Variants in METTL6 observed in about 807,000 individuals in gnomAD.
METTL6 encodes tRNA N(3)-cytidine methyltransferase METTL6.
A neutral mutation model predicts 26.4 loss-of-function variants in METTL6; 22 were observed. The observed-to-expected ratio is 0.83, with a 90% CI of 0.59 to 1.19. METTL6 has a LOEUF of 1.19. Ranked by LOEUF, METTL6 falls within the 50% of genes most tolerant of loss-of-function variation. The probability of loss-of-function intolerance (pLI) is 0.00; values close to 1 mark genes in which losing one functional copy is unlikely to be tolerated. For synonymous variants in METTL6, 109 were observed against 116.2 expected (o/e 0.94, Z 0.40); for missense variants, 304 against 324.8 (o/e 0.94, Z 0.49).
intron 1 of METTL6, among the ~76,000 whole-genome samples, chr3:15,426,902 C>A (rs1270866210): frequency 6.6e-6 from 1 of 152,226 alleles, no homozygotes; most frequent in African/African-American, 2.4e-5. Context: ...AAAAAGGACG[C>A]TCTCAAGAAC....
downstream of METTL6, among the ~76,000 whole-genome samples, chr3:15,406,022 T>C (rs963714623): frequency 1.4e-4 from 21 of 151,796 alleles, no homozygotes; most frequent in Admixed American, 1.2e-3. Flanking sequence ...TATATATATA[T>C]ACACACGCAC....
downstream of METTL6, among the ~76,000 whole-genome samples, chr3:15,409,067 T>C (rs952119468): frequency 6.6e-6 from 1 of 152,186 alleles, no homozygotes; most frequent in Non-Finnish European, 1.5e-5. Context: ...CCACCATCTC[T>C]ACAAGTTCCA....
At chr3:15,416,768 T>C (rs546627015) in intron 3 of METTL6, among the ~76,000 whole-genome samples, 3 of 152,120 alleles carry the variant, frequency 2.0e-5, no homozygotes, top group Non-Finnish European at 4.4e-5. Context: ...TGTATAGGAG[T>C]ATTATGAAGA....
At chr3:15,385,951 C>T (rs115480847) in intron 6 of METTL6, among the ~76,000 whole-genome samples, 26 of 152,098 alleles carry the variant, frequency 1.7e-4, no homozygotes, top group African/African-American at 5.1e-4. Context: ...GGACCTTGCA[C>T]GAGAAAAGAA....
intron 3 of METTL6, among the ~76,000 whole-genome samples, chr3:15,423,590 G>A (rs1163956356): frequency 1.3e-5 from 2 of 152,040 alleles, no homozygotes; most frequent in African/African-American, 4.8e-5. Context: ...AAACTAGCCA[G>A]GGTCAGCTGC....
At chr3:15,382,961 G>A (rs1699111155) in exon 7 of METTL6, 1 of 152,158 alleles carries the variant, frequency 6.6e-6, no homozygotes, top group African/African-American at 2.4e-5. Flanking sequence ...TAGAATGGTG[G>A]TTACCAGAGG....
intron 6 of METTL6, among the ~76,000 whole-genome samples, chr3:15,397,744 G>T (rs1699531539): frequency 6.6e-6 from 1 of 152,154 alleles, no homozygotes; most frequent in Non-Finnish European, 1.5e-5. Flanking sequence ...CACTGGGCTA[G>T]GGGGCAGAGA....
rs2061726007 is a variant in METTL6 at position 15,426,428 on chromosome 3, C to G, written c.84G>C (p.Leu28Phe). 1 of 1,614,160 alleles carries G rather than the reference C, an allele frequency of 6.2e-7. No individual in the cohort carries two copies. The highest frequency in any genetic ancestry group is 8.5e-7 in the Non-Finnish European group (1 of 1,180,024). The change falls in exon 2 of 6, where the codon TTG (leucine) becomes TTC (phenylalanine). Residue 28 changes from leucine to phenylalanine, a missense_variant. Leu to Phe is a conservative substitution (Grantham distance 22). Transcript: ENST00000383790. ...EEEKLKRDQT[L>F]VSDFKQQKLE... ...ATTTCTGCTGTTTAAAATCAGACAC[C>G]AAAGTTTGGTCTCTTTTCAGTTTCT...
rs576139825 is a variant in METTL6 at position 15,423,809 on chromosome 3, G to T, written c.360+1146C>A. Among the ~76,000 whole-genome samples the T allele has an allele frequency of 2.6e-5, 4 of 152,298 alleles. No homozygotes were observed. In the East Asian group the frequency reaches 5.8e-4, roughly 22 times the overall value. The stretch of plus-strand genomic sequence containing the variant: ...GAGGTGGGAGGATCTGCTTGAGCCA[G>T]GGGGGTCAAGGCTGCAGTGAGTTGT... On this transcript the variant is annotated intron_variant, in intron 3 of 5. Coordinates refer to ENST00000383790, the MANE Select transcript of METTL6 (RefSeq NM_152396.4).
chr3:15,400,172 G>A (rs1373244254), intron 6 of METTL6, among the ~76,000 whole-genome samples: 1 of 151,976 alleles, frequency 6.6e-6, no homozygotes, highest in Non-Finnish European at 1.5e-5. Flanking sequence ...AACCTTTGTG[G>A]GCTGTGCATT....
chr3:15,406,637 G>C (rs1326061458), downstream of METTL6, among the ~76,000 whole-genome samples: 1 of 128,778 alleles, frequency 7.8e-6, no homozygotes, highest in Admixed American at 7.8e-5. Flanking sequence ...TATAGAGAGA[G>C]AGAGAGAGAG....
chr3:15,411,319 G>T lies in METTL6; in HGVS notation c.792C>A (p.Ser264Arg). The T allele has an allele frequency of 4.3e-6, 7 of 1,614,194 alleles. No homozygotes were observed. The highest frequency in any genetic ancestry group is 5.9e-6 in the Non-Finnish European group (7 of 1,180,026). Residue 264 changes from serine (S) to arginine (R), a missense_variant, in exon 6 of 6, where the codon AGC (serine) becomes AGA (arginine). Ser to Arg is a moderately radical substitution (Grantham distance 110, BLOSUM62 -1). Transcript: ENST00000383790. ...GGTTCTTAGGAGGCTTTAGAAATTTGCTCTGAAGGAAAACTCTTGGCACAC... is the reference window on the plus strand; with the variant it reads ...GGTTCTTAGGAGGCTTTAGAAATTTTCTCTGAAGGAAAACTCTTGGCACAC... Reference protein sequence around the residue: ...GLCVPRVFLQSKFLKPPKNPS... With the variant: ...GLCVPRVFLQRKFLKPPKNPS...
downstream of METTL6, among the ~76,000 whole-genome samples, chr3:15,407,896 G>A (rs914297397): frequency 1.3e-5 from 2 of 152,188 alleles, no homozygotes; most frequent in African/African-American, 4.8e-5. Context: ...ATTAGGGGTA[G>A]CTGCCTCAGG....
chr3:15,411,821 A>G (rs1699980079), intron 5 of METTL6, among the ~76,000 whole-genome samples: 1 of 151,768 alleles, frequency 6.6e-6, no homozygotes, highest in Non-Finnish European at 1.5e-5. Flanking sequence ...CTAGATCAGG[A>G]GCACGATCTC....
rs1436783260 is a variant in METTL6 at position 15,424,954 on chromosome 3, C to T, written c.360+1G>A. ...GCAGAATACATAGATGGTGCACCAA[C>T]CTTAACATATTCAATGGCTCTTGGA... On this transcript the variant is annotated splice_donor_variant, in intron 3 of 5. Transcript: ENST00000383790. LOFTEE classifies it high-confidence loss of function. 5.6e-6 allele frequency: 9 copies of T among 1,614,060 alleles called. No homozygotes were observed. The highest frequency in any genetic ancestry group is 6.8e-6 in the Non-Finnish European group (8 of 1,179,998).
Position 15,416,793 on chromosome 3 carries a change from C to T in METTL6, c.361-851G>A, listed in dbSNP as rs1399264952. 2.0e-5 allele frequency among the ~76,000 whole-genome samples: 3 copies of T among 152,254 alleles called. No homozygotes were observed. In the South Asian group the frequency reaches 6.2e-4, roughly 32 times the overall value. ...TATTATGAAGAAAAACATTAAACTT[C>T]TATTTCATGTAAATGAGGACCTGAA... On this transcript the variant is annotated intron_variant, in intron 3 of 5. Coordinates refer to ENST00000383790, the MANE Select transcript of METTL6 (RefSeq NM_152396.4).
At chr3:15,415,547 C>G (rs1238047280) in intron 4 of METTL6, 3 of 1,599,268 alleles carry the variant, frequency 1.9e-6, no homozygotes, top group Non-Finnish European at 1.7e-6. Flanking sequence ...TCATCCTTGT[C>G]CCAGGGCTGG....
chr3:15,407,195 T>A (rs1337498824), downstream of METTL6, among the ~76,000 whole-genome samples: 1 of 152,060 alleles, frequency 6.6e-6, no homozygotes, highest in Admixed American at 6.6e-5. Flanking sequence ...AATTTTTGTA[T>A]TTTTAGCAGA....
chr3:15,410,193 C>A lies in METTL6; in HGVS notation c.*1063G>T, dbSNP rs1699912085. 6.6e-6 allele frequency among the ~76,000 whole-genome samples: 1 copy of A among 152,076 alleles called. No individual in the cohort carries two copies. The highest frequency in any genetic ancestry group is 2.4e-5 in the African/African-American group (1 of 41,400). ...ATACAAAAAGTACATAGTAGCCCCC[C>A]GTATCTGCGGGTGGTATGTTTCAAG... On this transcript the variant is annotated 3_prime_UTR_variant, in exon 6 of 6. Transcript: ENST00000383790.
Sources: allele counts gnomAD v4.1 joint callset (sites outside exome capture counted in the v4.1 genomes callset), GRCh38; gene constraint gnomAD v4.1.1; transcripts MANE v1.5; gene names NCBI Gene and HGNC (gene_info 2026-07-23, HGNC 2026-07-21).